Variants in CNTN4 observed in about 807,000 individuals in gnomAD.
The protein encoded by CNTN4 is contactin 4.
CNTN4 carries 77 observed loss-of-function variants against 122.5 expected under a neutral mutation model. The ratio of observed to expected loss-of-function variants is 0.63; its 90% CI spans 0.52 to 0.76. The LOEUF is 0.76. Among genes scored for constraint, CNTN4 ranks in the 30% least tolerant of loss-of-function variants. The pLI is 0.00. For missense variants in CNTN4, 1,256 were observed against 1,259.1 expected (o/e 1.00, Z 0.04); for synonymous variants, 512 against 447.0 (o/e 1.15, Z -1.83).
At chr3:2,173,583 T>C (rs2036607246) in intron 2 of CNTN4, among the ~76,000 whole-genome samples, 1 of 152,206 alleles carries the variant, frequency 6.6e-6, no homozygotes, top group South Asian at 2.1e-4. Flanking sequence ...TTCCTGAGAG[T>C]TGGATCAGTG....
intron 2 of CNTN4, among the ~76,000 whole-genome samples, chr3:2,229,246 A>G (rs1386963412): frequency 6.6e-6 from 1 of 152,176 alleles, no homozygotes; most frequent in Non-Finnish European, 1.5e-5. Flanking sequence ...TGATTATTGC[A>G]TTAGGATGTG....
At chr3:2,274,627 C>G (rs989922144) in intron 2 of CNTN4, among the ~76,000 whole-genome samples, 1 of 151,934 alleles carries the variant, frequency 6.6e-6, no homozygotes, top group African/African-American at 2.4e-5. Context: ...CAATGGCATT[C>G]TCAGCAAGTT....
intron 4 of CNTN4, among the ~76,000 whole-genome samples, chr3:2,687,377 A>G (rs2085490546): frequency 1.6e-5 from 1 of 62,654 alleles, no homozygotes; most frequent in Non-Finnish European, 3.4e-5. Context: ...TCTGATAGAC[A>G]AGGCCAAGCA....
intron 7 of CNTN4, among the ~76,000 whole-genome samples, chr3:2,852,370 C>G (rs368399044): frequency 8.5e-5 from 13 of 152,144 alleles, no homozygotes; most frequent in African/African-American, 3.1e-4. Context: ...TAGCTTTATT[C>G]CTTATAAATT....
intron 4 of CNTN4, among the ~76,000 whole-genome samples, chr3:2,642,230 T>C (rs1402821776): frequency 6.6e-6 from 1 of 152,162 alleles, no homozygotes; most frequent in African/African-American, 2.4e-5. Context: ...GCAGGAAGCA[T>C]GCAGCATGGA....
At chr3:2,664,038 A>G (rs2150315844) in intron 4 of CNTN4, among the ~76,000 whole-genome samples, 1 of 152,308 alleles carries the variant, frequency 6.6e-6, no homozygotes, top group African/African-American at 2.4e-5. Context: ...ACAAATGCTA[A>G]TGAGCACAGG....
At chr3:2,563,778 T>TA (rs1397948408) in intron 3 of CNTN4, among the ~76,000 whole-genome samples, 1 of 152,174 alleles carries the variant, frequency 6.6e-6, no homozygotes, top group East Asian at 1.9e-4. Context: ...TAATACTTAT[T>TA]AAAAATGATG....
intron 2 of CNTN4, among the ~76,000 whole-genome samples, chr3:2,175,123 A>G (rs1473746831): frequency 6.6e-6 from 1 of 152,168 alleles, no homozygotes; most frequent in Non-Finnish European, 1.5e-5. Context: ...TATGTATAAG[A>G]CATTTATTTA....
At chr3:2,727,234 C>G (rs543059813) in intron 4 of CNTN4, among the ~76,000 whole-genome samples, 1 of 152,288 alleles carries the variant, frequency 6.6e-6, no homozygotes, top group Admixed American at 6.5e-5. Flanking sequence ...AAAACATGCC[C>G]AGTGTTACAT....
At chr3:3,017,321 G>C (rs1444334024) in intron 14 of CNTN4, among the ~76,000 whole-genome samples, 1 of 152,146 alleles carries the variant, frequency 6.6e-6, no homozygotes, top group Non-Finnish European at 1.5e-5. Context: ...TTAGAGAAAA[G>C]TAAATGTGTC....
chr3:2,847,751 C>T (rs983768252), intron 7 of CNTN4, among the ~76,000 whole-genome samples: 1 of 152,182 alleles, frequency 6.6e-6, no homozygotes, highest in Non-Finnish European at 1.5e-5. Flanking sequence ...TCATCCCACC[C>T]TTTGCTCCTC....
intron 2 of CNTN4, among the ~76,000 whole-genome samples, chr3:2,228,373 T>C (rs745360006): frequency 4.6e-5 from 7 of 152,126 alleles, no homozygotes; most frequent in Non-Finnish European, 7.4e-5. Context: ...TAAAACTTTA[T>C]TGGGACACAG....
chr3:2,544,749 A>G (rs1327189297), intron 3 of CNTN4, among the ~76,000 whole-genome samples: 3 of 143,166 alleles, frequency 2.1e-5, no homozygotes, highest in Non-Finnish European at 4.6e-5. Context: ...GTTTACTTGG[A>G]TCTCTGCTCT....
intron 4 of CNTN4, among the ~76,000 whole-genome samples, chr3:2,711,377 T>C (rs888354312): frequency 3.9e-5 from 6 of 152,146 alleles, no homozygotes; most frequent in African/African-American, 1.4e-4. Context: ...AGAGCCGCTA[T>C]GAATCTTTTT....
chr3:2,561,115 TTGCCAC>T (rs113723461), intron 3 of CNTN4, among the ~76,000 whole-genome samples: 2 of 152,206 alleles, frequency 1.3e-5, no homozygotes, highest in African/African-American at 4.8e-5. Context: ...CACACGGTTC[TTGCCAC>T]TTTTAATCTG....
At chr3:2,274,988 A>G (rs541477086) in intron 2 of CNTN4, among the ~76,000 whole-genome samples, 20 of 152,220 alleles carry the variant, frequency 1.3e-4, no homozygotes, top group Non-Finnish European at 2.8e-4. Context: ...CTGCAAATCC[A>G]AACATCTGAC....
At chr3:2,349,224 C>T (rs2044515514) in intron 3 of CNTN4, among the ~76,000 whole-genome samples, 1 of 151,320 alleles carries the variant, frequency 6.6e-6, no homozygotes, top group African/African-American at 2.4e-5. Flanking sequence ...TTAATATTAA[C>T]AAAGTGCTTG....
At chr3:2,761,960 A>G (rs969880295) in intron 6 of CNTN4, among the ~76,000 whole-genome samples, 3 of 152,128 alleles carry the variant, frequency 2.0e-5, no homozygotes, top group East Asian at 1.9e-4. Context: ...TCTTTTGTTT[A>G]TTTTTCCTTC....
chr3:2,869,348 A>C (rs2093759907), intron 8 of CNTN4, among the ~76,000 whole-genome samples: 1 of 152,136 alleles, frequency 6.6e-6, no homozygotes, highest in Admixed American at 6.6e-5. Context: ...AACAGCAGAG[A>C]AGGAGAGAAA....
Sources: gnomAD v4.1 joint callset for allele counts (sites outside exome capture counted in the v4.1 genomes callset) on GRCh38, gnomAD v4.1.1 for gene constraint, MANE v1.5 for transcripts, NCBI Gene and HGNC (gene_info 2026-07-23, HGNC 2026-07-21) for gene names.